CSMD1: variants seen among roughly 807,000 people sequenced by gnomAD.
CSMD1 encodes CUB and sushi domain-containing protein 1.
In CSMD1, 213 loss-of-function variants were observed where a neutral mutation model predicts 417.5. The ratio of observed to expected loss-of-function variants is 0.51; its 90% CI spans 0.46 to 0.57. The LOEUF (loss-of-function observed/expected upper bound fraction) is 0.57. CSMD1 is among the 20% of genes least tolerant of loss of function. The probability of loss-of-function intolerance (pLI) is 0.00; values close to 1 mark genes in which losing one functional copy is unlikely to be tolerated. For synonymous variants in CSMD1, 2,862 were observed against 1,736.8 expected, an observed-to-expected ratio of 1.65 and a Z score of -16.11; for missense variants, 6,923 against 4,529.7, an observed-to-expected ratio of 1.53 and a Z score of -15.17.
intron 2 of CSMD1, among the ~76,000 whole-genome samples, chr8:4,592,385 G>C (rs1181954258): frequency 1.3e-5 from 2 of 151,710 alleles, no homozygotes; most frequent in African/African-American, 4.8e-5. Context: ...CATTTTCCTT[G>C]TTATCGCTTT....
intron 41 of CSMD1, among the ~76,000 whole-genome samples, chr8:3,134,326 G>A (rs571228922): frequency 3.7e-4 from 56 of 152,340 alleles, no homozygotes; most frequent in African/African-American, 1.3e-3. Context: ...GGATCTGCAA[G>A]AGGCAATGCA....
intron 49 of CSMD1, among the ~76,000 whole-genome samples, chr8:3,083,075 T>C (rs1172177286): frequency 2.0e-5 from 3 of 152,184 alleles, no homozygotes; most frequent in East Asian, 3.8e-4. Flanking sequence ...AGTCTTCTGT[T>C]TCATATTTCA....
chr8:4,179,104 G>A (rs1798213106), intron 3 of CSMD1, among the ~76,000 whole-genome samples: 1 of 152,080 alleles, frequency 6.6e-6, no homozygotes, highest in Non-Finnish European at 1.5e-5. Context: ...AAACAAAAAA[G>A]AGCCCGCATC....
intron 26 of CSMD1, among the ~76,000 whole-genome samples, chr8:3,273,627 T>C (rs1030130866): frequency 9.9e-5 from 15 of 152,226 alleles, no homozygotes; most frequent in Non-Finnish European, 1.8e-4. Flanking sequence ...TTTGGTCTAT[T>C]CAGAGATTCA....
At chr8:2,965,107 A>G (rs1057422178) in intron 59 of CSMD1, among the ~76,000 whole-genome samples, 1 of 152,134 alleles carries the variant, frequency 6.6e-6, no homozygotes, top group Non-Finnish European at 1.5e-5. Context: ...TCTGGTAAAT[A>G]AACTGTCACC....
chr8:3,919,572 C>T (rs1166587587), intron 5 of CSMD1, among the ~76,000 whole-genome samples: 1 of 151,984 alleles, frequency 6.6e-6, no homozygotes, highest in Non-Finnish European at 1.5e-5. Context: ...ACATGTGATG[C>T]CTTCAGCTGT....
chr8:4,962,164 CAAT>C (rs1182440304), intron 1 of CSMD1, among the ~76,000 whole-genome samples: 1 of 146,102 alleles, frequency 6.8e-6, no homozygotes, highest in Non-Finnish European at 1.5e-5. Context: ...AAACACAAAA[CAAT>C]AATATAAATG....
intron 2 of CSMD1, among the ~76,000 whole-genome samples, chr8:4,447,602 T>C (rs1376058698): frequency 6.6e-6 from 1 of 152,212 alleles, no homozygotes. Context: ...TTTCATGTAA[T>C]ACTTCCCACT....
At chr8:3,904,601 T>C (rs558589459) in intron 5 of CSMD1, among the ~76,000 whole-genome samples, 1 of 152,098 alleles carries the variant, frequency 6.6e-6, no homozygotes, top group African/African-American at 2.4e-5. Context: ...ATATATTTTT[T>C]ATTTCCTTTT....
At chr8:3,341,005 T>C (rs10503204) in intron 23 of CSMD1, among the ~76,000 whole-genome samples, 5,992 of 152,314 alleles carry the variant, frequency 0.039, 169 homozygotes, top group East Asian at 0.083. Flanking sequence ...CAAAAATGTC[T>C]GTAGAATTGG....
intron 7 of CSMD1, among the ~76,000 whole-genome samples, chr8:3,635,705 A>C (rs780321568): frequency 6.7e-6 from 1 of 149,686 alleles, no homozygotes; most frequent in Middle Eastern, 3.2e-3. Context: ...GGATGGTCTC[A>C]ATCTCCTGAC....
At chr8:3,039,207 A>G (rs1810901719) in intron 50 of CSMD1, among the ~76,000 whole-genome samples, 2 of 144,176 alleles carry the variant, frequency 1.4e-5, no homozygotes, top group Non-Finnish European at 3.0e-5. Flanking sequence ...AGGGTCCTGA[A>G]TTTTCAACTT....
chr8:3,792,216 C>G (rs941052610), intron 5 of CSMD1, among the ~76,000 whole-genome samples: 1 of 151,972 alleles, frequency 6.6e-6, no homozygotes, highest in African/African-American at 2.4e-5. Context: ...TCGCTCAAGC[C>G]CAGGAGGGCG....
At chr8:3,930,183 G>A (rs955728163) in intron 5 of CSMD1, among the ~76,000 whole-genome samples, 1 of 150,052 alleles carries the variant, frequency 6.7e-6, no homozygotes, top group Non-Finnish European at 1.5e-5. Flanking sequence ...AGTTATACTT[G>A]CCGTATCTAT....
At chr8:3,450,435 A>G (rs914095379) in intron 12 of CSMD1, among the ~76,000 whole-genome samples, 3 of 151,700 alleles carry the variant, frequency 2.0e-5, no homozygotes, top group East Asian at 3.9e-4. Context: ...AGCATTAGGT[A>G]TATCTCCTAA....
chr8:4,028,907 CT>C (rs1563336633), intron 4 of CSMD1, among the ~76,000 whole-genome samples: 1 of 152,088 alleles, frequency 6.6e-6, no homozygotes, highest in Non-Finnish European at 1.5e-5. Flanking sequence ...GAAGTATGCT[CT>C]TTTCTAAAGT....
Position 3,226,605 on chromosome 8 carries a change from G to A in CSMD1, c.4346-2738C>T, listed in dbSNP as rs975805675. On this transcript the variant is annotated intron_variant, in intron 27 of 69. Coordinates refer to ENST00000635120, the MANE Select transcript of CSMD1 (RefSeq NM_033225.6). ...TCAAAAAAAAAAAAAAAAAAAAGTC[G>A]TTAATGTCCTTTGGTCTACAGAATT... is the stretch of plus-strand genomic sequence containing the variant. Among the ~76,000 whole-genome samples the A allele has an allele frequency of 2.1e-4, 30 of 143,198 alleles. 1 individual carries two copies. The highest frequency in any genetic ancestry group is 1.4e-3 in the Admixed American group (20 of 14,410). The allele number at this position is 143,198 out of a possible 152,430, so 93.9% of individuals were successfully genotyped here.
At chr8:3,975,238 T>A (rs932551099) in intron 5 of CSMD1, among the ~76,000 whole-genome samples, 1 of 152,246 alleles carries the variant, frequency 6.6e-6, no homozygotes, top group Admixed American at 6.5e-5. Flanking sequence ...ATGCCATTAC[T>A]TGCTTCGTTA....
intron 5 of CSMD1, among the ~76,000 whole-genome samples, chr8:3,904,264 C>A (rs182542640): frequency 3.5e-4 from 54 of 152,304 alleles, no homozygotes; most frequent in Middle Eastern, 3.4e-3. Context: ...CCTTCCCTTA[C>A]CAAACAAATC....
Sources: gnomAD v4.1 joint callset for allele counts (sites outside exome capture counted in the v4.1 genomes callset) on GRCh38, gnomAD v4.1.1 for gene constraint, MANE v1.5 for transcripts, NCBI Gene and HGNC (gene_info 2026-07-23, HGNC 2026-07-21) for gene names.